NRXN1: variants seen among roughly 807,000 people sequenced by gnomAD.
NRXN1 encodes neurexin 1.
Under a neutral mutation model 150.9 loss-of-function variants are expected in NRXN1, and 39 were observed. That is an observed-to-expected ratio of 0.26 (90% CI 0.20 to 0.34). The LOEUF is 0.34. NRXN1 is among the 10% of genes least tolerant of loss of function. NRXN1 has a pLI of 1.00. For synonymous variants in NRXN1, 924 were observed against 757.0 expected (o/e 1.22, Z -3.62); for missense variants, 1,815 against 1,949.9 (o/e 0.93, Z 1.30).
intron 5 of NRXN1, among the ~76,000 whole-genome samples, chr2:50,872,347 G>C (rs554100019): frequency 2.6e-4 from 39 of 151,874 alleles, no homozygotes; most frequent in African/African-American, 9.2e-4. Context: ...GTCTGGTGGA[G>C]TGCAGATATA....
chr2:50,432,792 C>A (rs1390226769), intron 17 of NRXN1, among the ~76,000 whole-genome samples: 14 of 152,202 alleles, frequency 9.2e-5, no homozygotes, highest in Admixed American at 9.2e-4. Context: ...TCTCTTTGTA[C>A]AAAATTCCTG....
At chr2:50,011,198 T>G (rs567896150) in intron 21 of NRXN1, among the ~76,000 whole-genome samples, 21 of 152,164 alleles carry the variant, frequency 1.4e-4, no homozygotes, top group Non-Finnish European at 2.9e-4. Context: ...TAGGTAGCTA[T>G]TGTCACAATC....
rs529039455 is a variant in NRXN1 at position 50,963,922 on chromosome 2, G to C, written c.773-37967C>G. The C allele has an allele frequency of 1.1e-4, 42 of 396,764 alleles. 1 individual carries two copies. Among genetic ancestry groups the C allele is most frequent in the African/African-American group, 6.5e-4 (31 of 47,966 alleles). 24.6% of individuals were successfully genotyped at this position (396,764 alleles called of 1,614,324 possible). A position where few individuals can be genotyped will look rare whatever the true frequency, so the allele number is the denominator to read the frequency against. ...TTGTTTAATGAATTATGGTATCCTT[G>C]CACTAGGCATCAGTCCAGTTTAATT... On this transcript the variant is annotated intron_variant, in intron 2 of 22. Transcript: ENST00000401669.
chr2:50,857,143 T>C (rs1032526917), intron 5 of NRXN1, among the ~76,000 whole-genome samples: 1 of 152,158 alleles, frequency 6.6e-6, no homozygotes, highest in African/African-American at 2.4e-5. Flanking sequence ...ATTACTAAGA[T>C]GCTTTGTTGA....
intron 5 of NRXN1, among the ~76,000 whole-genome samples, chr2:50,649,361 A>G (rs567560570): frequency 6.0e-4 from 91 of 152,068 alleles, no homozygotes; most frequent in African/African-American, 2.1e-3. Context: ...TTAGGCAGTT[A>G]TCTATAGACA....
At chr2:50,147,258 T>A (rs1206168471) in intron 18 of NRXN1, among the ~76,000 whole-genome samples, 2 of 151,838 alleles carry the variant, frequency 1.3e-5, no homozygotes, top group Admixed American at 1.3e-4. Flanking sequence ...AATAAGTGCC[T>A]TAGAAGATTC....
At chr2:50,197,250 AC>A (rs930964532) in intron 18 of NRXN1, among the ~76,000 whole-genome samples, 6 of 152,002 alleles carry the variant, frequency 3.9e-5, no homozygotes, top group African/African-American at 1.4e-4. Context: ...TTATTTTGTC[AC>A]CTGGGAAAGA....
At chr2:49,949,532 C>G (rs1415902856) in intron 21 of NRXN1, among the ~76,000 whole-genome samples, 1 of 151,814 alleles carries the variant, frequency 6.6e-6, no homozygotes, top group Non-Finnish European at 1.5e-5. Flanking sequence ...GAAAACTATA[C>G]TATTAAGACA....
intron 21 of NRXN1, among the ~76,000 whole-genome samples, chr2:50,016,333 G>T (rs1686590579): frequency 6.6e-6 from 1 of 152,128 alleles, no homozygotes; most frequent in Admixed American, 6.5e-5. Flanking sequence ...AACTAAACTT[G>T]AAGTGAGAGA....
intron 18 of NRXN1, among the ~76,000 whole-genome samples, chr2:50,187,626 G>A (rs1214208498): frequency 1.3e-5 from 2 of 152,024 alleles, no homozygotes; most frequent in East Asian, 3.9e-4. Flanking sequence ...CTAATTCTGT[G>A]AAGAAAGTCA....
At chr2:50,312,463 T>C (rs562632727) in intron 17 of NRXN1, among the ~76,000 whole-genome samples, 3 of 152,146 alleles carry the variant, frequency 2.0e-5, no homozygotes, top group Non-Finnish European at 4.4e-5. Context: ...TTTGCAGTTT[T>C]TACACATGTT....
intron 17 of NRXN1, among the ~76,000 whole-genome samples, chr2:50,242,175 T>C (rs943196835): frequency 6.6e-6 from 1 of 151,722 alleles, no homozygotes; most frequent in Non-Finnish European, 1.5e-5. Context: ...CAGATGAATA[T>C]TAAAAGTAAA....
In NRXN1 at chr2:49,962,018, G is replaced by A. The variant is rs994415456; in HGVS notation, c.4129-18227C>T. Among the ~76,000 whole-genome samples, 91 of 152,078 alleles carry A rather than the reference G, an allele frequency of 6.0e-4. 1 individual carries two copies. The highest frequency in any genetic ancestry group is 7.4e-5 in the Non-Finnish European group (5 of 68,004). On this transcript the variant is annotated intron_variant, in intron 21 of 22. Coordinates refer to ENST00000401669, the MANE Select transcript of NRXN1 (RefSeq NM_001330078.2). ...CCACCTGGAGGAGGCCGAGGCAGGA[G>A]GGTCACTTGAGTCCAGCCTGGGCAA...
chr2:50,466,485 C>T, intron 16 of NRXN1: 2 of 470,216 alleles, frequency 4.3e-6, no homozygotes. Context: ...TTCATCAATG[C>T]AACTTTGTCA....
chr2:50,518,488 T>C (rs1342402871), intron 12 of NRXN1, among the ~76,000 whole-genome samples: 1 of 151,974 alleles, frequency 6.6e-6, no homozygotes. Context: ...TATACTGATT[T>C]ATAGTAATAC....
chr2:50,302,670 T>C (rs2074264689), intron 17 of NRXN1, among the ~76,000 whole-genome samples: 2 of 152,176 alleles, frequency 1.3e-5, no homozygotes, highest in South Asian at 4.1e-4. Context: ...CCCAAATTAA[T>C]ACTTTGTTTC....
chr2:50,803,647 C>A (rs1416300711), intron 5 of NRXN1, among the ~76,000 whole-genome samples: 2 of 152,088 alleles, frequency 1.3e-5, no homozygotes. Context: ...CATATCCTTG[C>A]AAATGGAAAT....
At chr2:50,963,971 T>C (rs1693629041) in intron 2 of NRXN1, 3 of 443,284 alleles carry the variant, frequency 6.8e-6, no homozygotes, top group Non-Finnish European at 9.1e-6. Flanking sequence ...TACAAACATA[T>C]GTCATTGTCC....
At chr2:50,388,417 C>A (rs951717209) in intron 17 of NRXN1, among the ~76,000 whole-genome samples, 2 of 152,100 alleles carry the variant, frequency 1.3e-5, no homozygotes, top group African/African-American at 4.8e-5. Context: ...TTAGCTCGGG[C>A]AACACTGAGA....
Sources: gnomAD v4.1 joint callset for allele counts (sites outside exome capture counted in the v4.1 genomes callset) on GRCh38, gnomAD v4.1.1 for gene constraint, MANE v1.5 for transcripts, NCBI Gene and HGNC (gene_info 2026-07-23, HGNC 2026-07-21) for gene names.